TMEM255B: variants seen among roughly 807,000 people sequenced by gnomAD.
The protein encoded by TMEM255B is family with sequence similarity 70, member B.
In TMEM255B, 35 loss-of-function variants were observed where a neutral mutation model predicts 34.5. The ratio of observed to expected loss-of-function variants is 1.01; its 90% confidence interval spans 0.77 to 1.34. TMEM255B has a LOEUF of 1.34. TMEM255B is among the 40% of genes most tolerant of loss of function. The pLI is 0.00. For missense variants in TMEM255B, 432 were observed against 433.2 expected (o/e 1.00, Z 0.02); for synonymous variants, 206 against 201.2 (o/e 1.02, Z -0.20).
intron 1 of TMEM255B, 64 bp from the exon 2 acceptor site, chr13:113,766,051 T>C: frequency 6.2e-7 from 1 of 1,600,474 alleles, no homozygotes; most frequent in Non-Finnish European, 8.5e-7. Context: ...GCCCAGAGCC[T>C]GCTGGCCTGA....
chr13:113,774,764 CACACACA>C (rs1263633693), intron 3 of TMEM255B, among the ~76,000 whole-genome samples: 12 of 72,888 alleles, frequency 1.6e-4, no homozygotes, highest in African/African-American at 2.2e-4. Context: ...CACCACACAC[CACACACA>C]ACACACAATA....
In TMEM255B at chr13:113,800,181, CTG is replaced by C. The variant is rs796331060; in HGVS notation, c.424-633_424-632del. The C allele has an allele frequency of 1.2e-3, 92 of 76,240 alleles. 5 individuals are homozygous for C. Among genetic ancestry groups the C allele is most frequent in the Middle Eastern group, 6.2e-3 (1 of 162 alleles). The allele number at this position is 76,240 out of a possible 1,614,324, so 4.7% of individuals were successfully genotyped here. A position where few individuals can be genotyped will look rare whatever the true frequency, so the allele number is the denominator to read the frequency against. Reference sequence around the variant, plus strand: ...ATGTGTATGTGTGTGTGGAGGTGTCCTGTGTGTGTGTGTGGGGGGGGGTAGGC... The same window carrying C: ...ATGTGTATGTGTGTGTGGAGGTGTCCTGTGTGTGTGTGGGGGGGGGTAGGC... On this transcript the variant is annotated intron_variant, in intron 5 of 8. Transcript: ENST00000375353.
At chr13:113,796,410 CCA>C (rs570627131) in intron 4 of TMEM255B, among the ~76,000 whole-genome samples, 2 of 60,920 alleles carry the variant, frequency 3.3e-5, no homozygotes, top group Admixed American at 2.1e-4. Flanking sequence ...ACCTCACACA[CCA>C]CACAGAGCAC....
At chr13:113,796,491 A>G (rs1256955028) in intron 4 of TMEM255B, among the ~76,000 whole-genome samples, 1 of 148,108 alleles carries the variant, frequency 6.8e-6, no homozygotes, top group Non-Finnish European at 1.5e-5. Context: ...CACCACACAC[A>G]CTACACACAC....
At chr13:113,789,253 A>T (rs1214660255) in intron 3 of TMEM255B, among the ~76,000 whole-genome samples, 5 of 151,386 alleles carry the variant, frequency 3.3e-5, no homozygotes, top group Non-Finnish European at 5.9e-5. Flanking sequence ...TCAAGAGAAG[A>T]TGCCCCAACA....
intron 6 of TMEM255B, 78 bp from the exon 7 acceptor site, chr13:113,801,575 A>G (rs2051061893): frequency 2.7e-6 from 4 of 1,475,106 alleles, no homozygotes; most frequent in Non-Finnish European, 3.6e-6. Flanking sequence ...TGCAGGGCTC[A>G]GGTCCAGAGG....
chr13:113,814,669 G>A lies in TMEM255B; in HGVS notation c.*2766G>A, dbSNP rs2051383734. ...TCTCATGTGGACGGATCCTGTCTGG[G>A]GCCACCAAGCTCTGCCAGCCTGAGT... On this transcript the variant is annotated 3_prime_UTR_variant, in exon 9 of 9. Transcript: ENST00000375353. The A allele has an allele frequency of 6.6e-6, 1 of 152,166 alleles. No homozygotes were observed. Among genetic ancestry groups the A allele is most frequent in the Non-Finnish European group, 1.5e-5 (1 of 68,090 alleles). The allele number at this position is 152,166 out of a possible 1,614,324, so 9.4% of individuals were successfully genotyped here. A position where few individuals can be genotyped will look rare whatever the true frequency, so the allele number is the denominator to read the frequency against.
chr13:113,771,424 G>A (rs2050476092), intron 3 of TMEM255B, among the ~76,000 whole-genome samples: 1 of 152,172 alleles, frequency 6.6e-6, no homozygotes, highest in Admixed American at 6.5e-5. Flanking sequence ...GCTCATGCCT[G>A]TAATCCTAGC....
intron 8 of TMEM255B, among the ~76,000 whole-genome samples, chr13:113,809,482 CTGGTTCCTGGGGGTTTACTCTG>C (rs1372711739): frequency 2.8e-4 from 21 of 73,768 alleles, no homozygotes; most frequent in African/African-American, 1.0e-3. Context: ...GGGTTTAACT[CTGGTTCCTGGGGGTTTACTCTG>C]TGGTTCCTGG....
intron 1 of TMEM255B, among the ~76,000 whole-genome samples, chr13:113,762,341 CA>C (rs2050322540): frequency 1.3e-5 from 2 of 152,142 alleles, no homozygotes; most frequent in South Asian, 4.2e-4. Context: ...TATCTGGAGT[CA>C]AAATATCACC....
chr13:113,801,863 G>T (rs1049275394), intron 7 of TMEM255B, 51 bp downstream of exon 7: 5 of 1,508,070 alleles, frequency 3.3e-6, no homozygotes, highest in South Asian at 1.3e-5. Context: ...CGGGGCTCCG[G>T]GTCCATTTCC....
chr13:113,796,273 CCACA>C (rs2050932886), intron 4 of TMEM255B, among the ~76,000 whole-genome samples: 2 of 150,194 alleles, frequency 1.3e-5, no homozygotes. Context: ...ACCTCACACA[CCACA>C]CAGAGCACAC....
At chr13:113,773,133 T>C (rs576290039) in intron 3 of TMEM255B, among the ~76,000 whole-genome samples, 2 of 152,366 alleles carry the variant, frequency 1.3e-5, no homozygotes, top group South Asian at 4.1e-4. Context: ...TTTTTCAGTA[T>C]TTATCAAATG....
chr13:113,779,101 T>C (rs906120644), intron 3 of TMEM255B, among the ~76,000 whole-genome samples: 1 of 151,768 alleles, frequency 6.6e-6, no homozygotes, highest in African/African-American at 2.4e-5. Context: ...GGTTGGAAGG[T>C]TTCAGGTCAG....
intron 1 of TMEM255B, among the ~76,000 whole-genome samples, chr13:113,762,538 A>G (rs2050325747): frequency 6.6e-6 from 1 of 152,212 alleles, no homozygotes; most frequent in East Asian, 1.9e-4. Context: ...AAGAGGGGTA[A>G]ACATAGCAAA....
chr13:113,800,319 G>A (rs1015878034), intron 5 of TMEM255B, among the ~76,000 whole-genome samples: 21 of 149,948 alleles, frequency 1.4e-4, no homozygotes, highest in African/African-American at 4.9e-4. Flanking sequence ...GTGTGTGTGT[G>A]TGTGTGTGTG....
intron 8 of TMEM255B, among the ~76,000 whole-genome samples, chr13:113,810,592 C>T (rs577116175): frequency 7.2e-5 from 11 of 152,304 alleles, no homozygotes; most frequent in African/African-American, 2.4e-4. Context: ...GGTGCACAAC[C>T]ACAGGGAGGG....
Position 113,801,434 on chromosome 13 carries a change from C to T in TMEM255B, c.510-219C>T, listed in dbSNP as rs543197823. Reference sequence around the variant, plus strand: ...GGGCGGGCCCGCCAGGCCCAGTTGCCGCTCTTTGCCACTGTGGGCCCCAGG... The same window carrying T: ...GGGCGGGCCCGCCAGGCCCAGTTGCTGCTCTTTGCCACTGTGGGCCCCAGG... On this transcript the variant is annotated intron_variant, in intron 6 of 8. Transcript: ENST00000375353. Among the ~76,000 whole-genome samples the T allele has an allele frequency of 1.2e-4, 19 of 152,318 alleles. No homozygotes were observed. In the East Asian group the frequency reaches 2.3e-3, roughly 19 times the overall value.
rs745947936 is a variant in TMEM255B, at chr13:113,811,815, C to G, written c.893C>G (p.Ser298Cys). The G allele has an allele frequency of 1.7e-5, 28 of 1,613,858 alleles. No homozygotes were observed. The highest frequency in any genetic ancestry group is 2.2e-5 in the Non-Finnish European group (26 of 1,179,916). ...EDLQPPSPSSSGSGLPGQAPP... is the reference protein window; with the variant it reads ...EDLQPPSPSSCGSGLPGQAPP... ...CTGCAGCCCCCTTCTCCAAGCAGCT[C>G]TGGCTCTGGGCTTCCCGGCCAGGCT... Residue 298 changes from serine (S) to cysteine (C), a missense_variant, in exon 9 of 9, where the codon TCT becomes TGT. Coordinates refer to ENST00000375353, the MANE Select transcript of TMEM255B (RefSeq NM_182614.4).
Sources: gnomAD v4.1 joint callset for allele counts (sites outside exome capture counted in the v4.1 genomes callset) on GRCh38, gnomAD v4.1.1 for gene constraint, MANE v1.5 for transcripts, NCBI Gene and HGNC (gene_info 2026-07-23, HGNC 2026-07-21) for gene names.